Variants in ECHDC1 observed in about 807,000 individuals in gnomAD.
ECHDC1 encodes ethylmalonyl-CoA decarboxylase.
ECHDC1 carries 29 observed loss-of-function variants against 29.7 expected under a neutral mutation model. The observed-to-expected ratio is 0.98, with a 90% CI of 0.73 to 1.33. The LOEUF (loss-of-function observed/expected upper bound fraction) is 1.33. ECHDC1 is among the 40% of genes most tolerant of loss of function. The pLI is 0.00. For missense variants in ECHDC1, 328 were observed against 350.0 expected (o/e 0.94, Z 0.50); for synonymous variants, 126 against 123.1 (o/e 1.02, Z -0.15).
chr6:127,331,825 C>A (rs1026504508), intron 1 of ECHDC1: 1 of 985,122 alleles, frequency 1.0e-6, no homozygotes. Flanking sequence ...TAGCATTATT[C>A]TTACCTTCTG....
intron 3 of ECHDC1, among the ~76,000 whole-genome samples, chr6:127,324,999 A>G (rs1783190936): frequency 6.6e-6 from 1 of 152,160 alleles, no homozygotes. Flanking sequence ...ACTTGCTTCC[A>G]AGGAGTGGAG....
Position 127,316,467 on chromosome 6 carries a change from G to A in ECHDC1, c.399C>T (p.Thr133=). The change falls in exon 4 of 6, where the codon ACC becomes ACT. Residue 133 remains threonine (T), a synonymous_variant. Coordinates refer to ENST00000454859, the MANE Select transcript of ECHDC1 (RefSeq NM_001002030.2). ...GMAVCMFMQN[T]LTRFMRLPLI... ...TGCATTACCTCATAAATCTTGTTAA[G>A]GTGTTTTGCATGAACATGCATACGG... is the stretch of plus-strand genomic sequence containing the variant. 1 of 1,605,910 alleles carries A rather than the reference G, an allele frequency of 6.2e-7. No homozygotes were observed. Among genetic ancestry groups the A allele is most frequent in the Non-Finnish European group, 8.5e-7 (1 of 1,176,586 alleles).
intron 1 of ECHDC1, among the ~76,000 whole-genome samples, chr6:127,334,943 T>A (rs1784303569): frequency 6.6e-6 from 1 of 151,634 alleles, no homozygotes; most frequent in African/African-American, 2.4e-5. Flanking sequence ...CTGAGGTACA[T>A]ACTTTGTGTC....
chr6:127,325,505 A>T (rs777989863), intron 3 of ECHDC1, among the ~76,000 whole-genome samples: 5 of 152,168 alleles, frequency 3.3e-5, no homozygotes, highest in African/African-American at 1.2e-4. Flanking sequence ...GAGTTTGTAG[A>T]TAAGTATACA....
chr6:127,332,314 T>C (rs1784030363), intron 1 of ECHDC1, among the ~76,000 whole-genome samples: 1 of 152,216 alleles, frequency 6.6e-6, no homozygotes, highest in Admixed American at 6.5e-5. Flanking sequence ...AGTCCATTAT[T>C]CTCATGGCTG....
Position 127,289,308 on chromosome 6 carries a change from A to G in ECHDC1, c.*561T>C, listed in dbSNP as rs1252344003. 1 of 152,104 alleles carries G rather than the reference A, an allele frequency of 6.6e-6. No individual in the cohort carries two copies. Among genetic ancestry groups the G allele is most frequent in the East Asian group, 1.9e-4 (1 of 5,172 alleles). 9.4% of individuals were successfully genotyped at this position (152,104 alleles called of 1,614,324 possible). ...TACAATAGAAAACTAATTATTGAAA[A>G]GAACAAAGTTCCAAATTTGTAGTGG... On this transcript the variant is annotated 3_prime_UTR_variant, in exon 6 of 6. Coordinates refer to ENST00000454859, the MANE Select transcript of ECHDC1 (RefSeq NM_001002030.2).
chr6:127,289,703 GC>G lies in ECHDC1; in HGVS notation c.*165del. The G allele has an allele frequency of 1.4e-6, 1 of 709,068 alleles. No homozygotes were observed. The highest frequency in any genetic ancestry group is 2.6e-5 in the South Asian group (1 of 38,270). The allele number at this position is 709,068 out of a possible 1,614,324, so 43.9% of individuals were successfully genotyped here. On this transcript the variant is annotated 3_prime_UTR_variant, in exon 6 of 6. Transcript: ENST00000454859. ...CAGTAAATACCCAAGTGAGTAATTGGCAAGAAATGAGGTAAATGAGTTCAGA... is the reference window on the plus strand; with the variant it reads ...CAGTAAATACCCAAGTGAGTAATTGGAAGAAATGAGGTAAATGAGTTCAGA...
At chr6:127,290,718 T>C (rs555355234) in intron 5 of ECHDC1, among the ~76,000 whole-genome samples, 1 of 152,104 alleles carries the variant, frequency 6.6e-6, no homozygotes, top group Non-Finnish European at 1.5e-5. Context: ...AGCAAGTATT[T>C]ACAAAGAACT....
intron 3 of ECHDC1, among the ~76,000 whole-genome samples, chr6:127,316,890 T>C (rs1215673159): frequency 6.8e-6 from 1 of 146,068 alleles, no homozygotes; most frequent in Admixed American, 7.2e-5. Flanking sequence ...TAAGCTTTGA[T>C]TTTTAAAAAA....
chr6:127,294,332 C>A (rs912292499), intron 5 of ECHDC1, among the ~76,000 whole-genome samples: 1 of 152,166 alleles, frequency 6.6e-6, no homozygotes, highest in Non-Finnish European at 1.5e-5. Flanking sequence ...TTATAGAATT[C>A]GCAACAGCAT....
intron 5 of ECHDC1, among the ~76,000 whole-genome samples, chr6:127,291,883 A>G (rs978634146): frequency 3.3e-5 from 5 of 152,256 alleles, no homozygotes; most frequent in African/African-American, 1.2e-4. Flanking sequence ...CTAGAGGCAA[A>G]TAGCTATGAA....
intron 2 of ECHDC1, among the ~76,000 whole-genome samples, chr6:127,328,489 A>G (rs1783570708): frequency 6.6e-6 from 1 of 152,204 alleles, no homozygotes; most frequent in Non-Finnish European, 1.5e-5. Context: ...ACACCCTACA[A>G]TGTTCACACA....
At chr6:127,342,428 C>G in intron 1 of ECHDC1, 2 of 1,520,320 alleles carry the variant, frequency 1.3e-6, no homozygotes, top group South Asian at 1.2e-5. Flanking sequence ...GGAATCCCAG[C>G]TGATTATACA....
At chr6:127,333,899 G>A (rs1784194616) in intron 1 of ECHDC1, among the ~76,000 whole-genome samples, 2 of 152,034 alleles carry the variant, frequency 1.3e-5, no homozygotes, top group South Asian at 4.1e-4. Context: ...GTATCTTACT[G>A]TGGTTTCATT....
At chr6:127,322,934 T>C (rs567070946) in intron 3 of ECHDC1, among the ~76,000 whole-genome samples, 5 of 152,056 alleles carry the variant, frequency 3.3e-5, no homozygotes, top group Non-Finnish European at 7.4e-5. Context: ...AAAATACATA[T>C]ATATAGGTTG....
intron 5 of ECHDC1, among the ~76,000 whole-genome samples, chr6:127,297,381 G>A (rs2114563738): frequency 6.6e-6 from 1 of 152,218 alleles, no homozygotes; most frequent in African/African-American, 2.4e-5. Context: ...TAAACTGAAT[G>A]CAAAAACTAA....
intron 1 of ECHDC1, among the ~76,000 whole-genome samples, chr6:127,332,772 AG>A (rs1784077656): frequency 6.6e-6 from 1 of 152,018 alleles, no homozygotes; most frequent in African/African-American, 2.4e-5. Context: ...AAGTTAGCAG[AG>A]GGATGACTTG....
At chr6:127,332,177 G>A (rs557274579) in intron 1 of ECHDC1, among the ~76,000 whole-genome samples, 1 of 152,228 alleles carries the variant, frequency 6.6e-6, no homozygotes, top group South Asian at 2.1e-4. Context: ...AACCCTTCAA[G>A]TAAAAGTAAC....
chr6:127,324,924 A>G (rs142833091), intron 3 of ECHDC1, among the ~76,000 whole-genome samples: 2,430 of 152,326 alleles, frequency 0.016, 23 homozygotes, highest in Non-Finnish European at 0.025. Flanking sequence ...ATGGACTTAT[A>G]TGTCCCCCTT....
Sources: gnomAD v4.1 joint callset for allele counts (sites outside exome capture counted in the v4.1 genomes callset) on GRCh38, gnomAD v4.1.1 for gene constraint, MANE v1.5 for transcripts, NCBI Gene and HGNC (gene_info 2026-07-23, HGNC 2026-07-21) for gene names.